The following CDH18 variants were observed in gnomAD, a reference collection of about 807,000 sequenced individuals.
CDH18 encodes cadherin 18.
Under a neutral mutation model 67.9 loss-of-function variants are expected in CDH18, and 31 were observed. That is an observed-to-expected ratio of 0.46 (90% CI 0.34 to 0.62). The LOEUF (loss-of-function observed/expected upper bound fraction) is 0.62, where lower values mean the gene tolerates loss of function less well. Among genes scored for constraint, CDH18 ranks in the 20% least tolerant of loss-of-function variants. The probability of loss-of-function intolerance (pLI) is 0.01; values close to 1 mark genes in which losing one functional copy is unlikely to be tolerated. For missense variants in CDH18, 890 were observed against 975.5 expected (o/e 0.91, Z 1.17); for synonymous variants, 362 against 347.2 (o/e 1.04, Z -0.48).
intron 7 of CDH18, among the ~76,000 whole-genome samples, chr5:19,589,903 T>C (rs1744811927): frequency 6.6e-6 from 1 of 152,130 alleles, no homozygotes; most frequent in Non-Finnish European, 1.5e-5. Flanking sequence ...CTTTCAATTC[T>C]CTCTTTAACT....
intron 1 of CDH18, among the ~76,000 whole-genome samples, chr5:20,421,049 A>T (rs1747821253): frequency 6.6e-6 from 1 of 151,034 alleles, no homozygotes; most frequent in Admixed American, 6.6e-5. Flanking sequence ...TAACAGTATG[A>T]TCTTTAAATC....
chr5:20,013,921 T>G (rs1383722739), intron 2 of CDH18, among the ~76,000 whole-genome samples: 1 of 152,114 alleles, frequency 6.6e-6, no homozygotes, highest in African/African-American at 2.4e-5. Context: ...CAAGAAAAAT[T>G]TGTTTATAGT....
chr5:20,341,164 G>A (rs1214806116), intron 1 of CDH18, among the ~76,000 whole-genome samples: 2 of 152,162 alleles, frequency 1.3e-5, no homozygotes, highest in Admixed American at 6.5e-5. Context: ...ATTGAAGGAT[G>A]CAATATTGAT....
intron 2 of CDH18, among the ~76,000 whole-genome samples, chr5:20,145,478 T>G (rs1225375308): frequency 6.6e-6 from 1 of 152,210 alleles, no homozygotes; most frequent in African/African-American, 2.4e-5. Flanking sequence ...TTTTTCTATG[T>G]GAAGAAAAGC....
chr5:19,701,348 T>C (rs1354166339), intron 5 of CDH18, among the ~76,000 whole-genome samples: 3 of 152,148 alleles, frequency 2.0e-5, no homozygotes, highest in Admixed American at 6.5e-5. Context: ...CTCTGCATAG[T>C]AATATTTGAG....
intron 1 of CDH18, among the ~76,000 whole-genome samples, chr5:20,424,759 A>AT (rs1367524596): frequency 2.0e-5 from 3 of 148,252 alleles, no homozygotes; most frequent in Admixed American, 6.7e-5. Flanking sequence ...AAAAAAAAAA[A>AT]AAAAAAAAAA....
intron 3 of CDH18, among the ~76,000 whole-genome samples, chr5:19,811,665 G>C (rs1002695333): frequency 6.6e-6 from 1 of 152,152 alleles, no homozygotes; most frequent in African/African-American, 2.4e-5. Context: ...AGCCAATCCA[G>C]AGAACACAAG....
At chr5:20,274,677 A>G (rs1745675746) in intron 1 of CDH18, among the ~76,000 whole-genome samples, 4 of 152,280 alleles carry the variant, frequency 2.6e-5, no homozygotes, top group Admixed American at 2.0e-4. Flanking sequence ...CAAAACTAGG[A>G]AGATAAGAAT....
intron 2 of CDH18, among the ~76,000 whole-genome samples, chr5:19,923,935 C>T (rs932136157): frequency 5.9e-5 from 9 of 152,162 alleles, no homozygotes; most frequent in African/African-American, 9.7e-5. Context: ...CCCCATCCCC[C>T]GGTGAGATGT....
intron 1 of CDH18, among the ~76,000 whole-genome samples, chr5:20,464,640 C>A (rs538666481): frequency 4.9e-4 from 75 of 152,166 alleles, no homozygotes; most frequent in African/African-American, 1.8e-3. Flanking sequence ...TTAAGAAATT[C>A]TTGCATTTTA....
chr5:19,672,110 G>A (rs555939501), intron 5 of CDH18, among the ~76,000 whole-genome samples: 27 of 152,202 alleles, frequency 1.8e-4, no homozygotes, highest in South Asian at 1.0e-3. Flanking sequence ...TTGGAGCTGT[G>A]TTCACAAAGC....
At chr5:20,170,688 T>C (rs1484252969) in intron 2 of CDH18, among the ~76,000 whole-genome samples, 1 of 152,104 alleles carries the variant, frequency 6.6e-6, no homozygotes, top group Non-Finnish European at 1.5e-5. Flanking sequence ...AACAAAATTT[T>C]GGTGGTTGTT....
rs900327872 is a variant in CDH18 at position 20,553,626 on chromosome 5, G to A, written c.-580+21836C>T. ...GATTAGATGTCCCATGTAACAGCAGGCTACTCATTGCAGCTAGGAAGTCCA... is the reference window on the plus strand; with the variant it reads ...GATTAGATGTCCCATGTAACAGCAGACTACTCATTGCAGCTAGGAAGTCCA... On this transcript the variant is annotated intron_variant, in intron 1 of 14. Transcript: ENST00000507958. Among the ~76,000 whole-genome samples the A allele has an allele frequency of 1.1e-4, 17 of 152,244 alleles. No homozygotes were observed. The East Asian group carries it at 2.9e-3, about 26-fold the overall frequency.
rs115834373 is a variant in CDH18, at chr5:20,425,038, G to A, written c.-580+150424C>T. On this transcript the variant is annotated intron_variant, in intron 1 of 14. Coordinates refer to the CDH18 transcript ENST00000507958. ...TTGATATTTCCCTTAGAAACTGTCC[G>A]GATAATATGAAAGACTTAGTCTTAG... is the stretch of plus-strand genomic sequence containing the variant. Among the ~76,000 whole-genome samples the A allele has an allele frequency of 7.1e-3, 1,070 of 150,646 alleles. 95 individuals carry two copies. Among genetic ancestry groups the A allele is most frequent in the African/African-American group, 0.025 (1,005 of 40,194 alleles).
At chr5:19,640,598 G>C (rs543401958) in intron 5 of CDH18, among the ~76,000 whole-genome samples, 1 of 151,924 alleles carries the variant, frequency 6.6e-6, no homozygotes, top group Admixed American at 6.6e-5. Context: ...ACAACTATTC[G>C]GTTAAAATGA....
intron 5 of CDH18, among the ~76,000 whole-genome samples, chr5:19,633,210 T>C (rs982007995): frequency 2.0e-5 from 3 of 152,216 alleles, no homozygotes; most frequent in African/African-American, 7.2e-5. Context: ...TTAATAATGA[T>C]ACAGATATCA....
chr5:20,141,588 T>C (rs1468648281), intron 2 of CDH18, among the ~76,000 whole-genome samples: 1 of 152,134 alleles, frequency 6.6e-6, no homozygotes, highest in Non-Finnish European at 1.5e-5. Flanking sequence ...GACAATATAT[T>C]TGAGGTCATC....
At chr5:19,642,847 T>A (rs1474919016) in intron 5 of CDH18, among the ~76,000 whole-genome samples, 1 of 152,040 alleles carries the variant, frequency 6.6e-6, no homozygotes, top group Admixed American at 6.6e-5. Context: ...ATTAACAATT[T>A]GCTGCAAATA....
At chr5:20,316,082 C>T (rs189016985) in intron 1 of CDH18, among the ~76,000 whole-genome samples, 3 of 152,192 alleles carry the variant, frequency 2.0e-5, no homozygotes, top group Admixed American at 2.0e-4. Context: ...GCAGTGTGAG[C>T]TTTGGCAAGA....
Sources: allele counts gnomAD v4.1 joint callset (sites outside exome capture counted in the v4.1 genomes callset), GRCh38; gene constraint gnomAD v4.1.1; transcripts MANE v1.5; gene names NCBI Gene and HGNC (gene_info 2026-07-23, HGNC 2026-07-21).